The following RGL1 variants were observed in gnomAD, a reference collection of about 807,000 sequenced individuals.
RGL1 encodes ral guanine nucleotide dissociation stimulator like 1.
RGL1 carries 24 observed loss-of-function variants against 95.2 expected under a neutral mutation model. The observed-to-expected ratio is 0.25, with a 90% CI of 0.18 to 0.35. The LOEUF (loss-of-function observed/expected upper bound fraction) is 0.35. Ranked by LOEUF, RGL1 falls within the 10% of genes least tolerant of loss-of-function variation. The pLI, the probability that RGL1 is intolerant of heterozygous loss-of-function variation, is 1.00. For synonymous variants in RGL1, 329 were observed against 344.9 expected, an observed-to-expected ratio of 0.95 and a Z score of 0.51; for missense variants, 715 against 936.3, an observed-to-expected ratio of 0.76 and a Z score of 3.08.
intron 3 of RGL1, among the ~76,000 whole-genome samples, chr1:183,863,194 G>T (rs551252695): frequency 6.6e-6 from 1 of 152,194 alleles, no homozygotes; most frequent in Non-Finnish European, 1.5e-5. Flanking sequence ...TGTAGGAGGC[G>T]TGGGAGGAGG....
chr1:183,847,992 G>GAGTTGAGAGTGGATACCTTAA (rs1664559377), intron 3 of RGL1, among the ~76,000 whole-genome samples: 1 of 152,168 alleles, frequency 6.6e-6, no homozygotes, highest in Non-Finnish European at 1.5e-5. Flanking sequence ...ATTTATAAAA[G>GAGTTGAGAGTGGATACCTTAA]AGTTGAGAGT....
chr1:183,699,736 A>T (rs546387282), intron 1 of RGL1, among the ~76,000 whole-genome samples: 1 of 152,158 alleles, frequency 6.6e-6, no homozygotes, highest in Admixed American at 6.5e-5. Context: ...CTTTGTTCTA[A>T]TACTCTGTCC....
chr1:183,759,958 T>G (rs1438883094), intron 2 of RGL1, among the ~76,000 whole-genome samples: 1 of 152,204 alleles, frequency 6.6e-6, no homozygotes, highest in East Asian at 1.9e-4. Flanking sequence ...TCTCTGCATA[T>G]CTATCTTATA....
chr1:183,923,834 A>G (rs1669456074), intron 17 of RGL1, among the ~76,000 whole-genome samples: 1 of 152,220 alleles, frequency 6.6e-6, no homozygotes, highest in Non-Finnish European at 1.5e-5. Context: ...CAGAATGTAC[A>G]GGAGTCACTT....
At chr1:183,703,373 A>C (rs1654717546) in intron 1 of RGL1, among the ~76,000 whole-genome samples, 1 of 152,160 alleles carries the variant, frequency 6.6e-6, no homozygotes, top group Non-Finnish European at 1.5e-5. Flanking sequence ...CTATGGTTTC[A>C]ACAAGACTTT....
intron 2 of RGL1, among the ~76,000 whole-genome samples, chr1:183,839,226 A>G (rs1426103873): frequency 6.6e-6 from 1 of 152,096 alleles, no homozygotes; most frequent in Non-Finnish European, 1.5e-5. Flanking sequence ...ACATATTTCC[A>G]TCTTAGACCC....
chr1:183,671,302 G>A (rs943108892), intron 1 of RGL1, among the ~76,000 whole-genome samples: 3 of 152,236 alleles, frequency 2.0e-5, no homozygotes, highest in Non-Finnish European at 4.4e-5. Context: ...GAACATTCAT[G>A]TTTAAGTCTT....
chr1:183,880,366 A>AAAAC (rs113953745), intron 4 of RGL1, among the ~76,000 whole-genome samples: 15,410 of 126,960 alleles, frequency 0.12, 811 homozygotes, highest in Middle Eastern at 0.22. Flanking sequence ...TAGCCTCCTT[A>AAAAC]AAACAAACAA....
chr1:183,839,910 G>A lies in RGL1; in HGVS notation c.139-7656G>A, dbSNP rs570526324. The stretch of plus-strand genomic sequence containing the variant: ...AGGTTAACAAGAGAAAAGCATAACA[G>A]ATTTCTTTAATCAAAGTTTTATGTG... On this transcript the variant is annotated intron_variant, in intron 2 of 17. Coordinates refer to ENST00000360851, the MANE Select transcript of RGL1 (RefSeq NM_001297671.3). Among the ~76,000 whole-genome samples, 32 of 152,310 alleles carry A rather than the reference G, an allele frequency of 2.1e-4. No individual in the cohort carries two copies. The South Asian group carries it at 3.1e-3, about 15-fold the overall frequency.
At chr1:183,906,626 G>A (rs1401524689) in intron 13 of RGL1, among the ~76,000 whole-genome samples, 1 of 152,180 alleles carries the variant, frequency 6.6e-6, no homozygotes, top group Non-Finnish European at 1.5e-5. Flanking sequence ...ATAGTAGGAA[G>A]GAGGTAATAG....
rs1399564131 is a variant in RGL1, at chr1:183,926,161, T to C, written c.2176T>C (p.Phe726Leu). ...VFYAMNSQVN[F>L]DFILRKKNSM... ...TTATGCCATGAACAGCCAAGTGAAC[T>C]TTGACTTCATTTTGCGCAAAAAGAA... is the stretch of plus-strand genomic sequence containing the variant. Residue 726 changes from phenylalanine (F) to leucine (L), a missense_variant, in exon 18 of 18, where the codon TTT becomes CTT. Around this residue, in one of 3 missense-constraint regions of RGL1, gnomAD observed 330 missense variants for 429.6 expected, o/e 0.77. Coordinates refer to ENST00000360851, the MANE Select transcript of RGL1 (RefSeq NM_001297671.3). 1 of 1,614,174 alleles carries C rather than the reference T, an allele frequency of 6.2e-7. No individual in the cohort carries two copies. The highest frequency in any genetic ancestry group is 1.3e-5 in the African/African-American group (1 of 75,068).
At chr1:183,802,313 G>A (rs1047010939), upstream of RGL1, among the ~76,000 whole-genome samples, 8 of 151,910 alleles carry the variant, frequency 5.3e-5, no homozygotes, top group African/African-American at 9.7e-5. Context: ...TCTTTATGCC[G>A]GTACCATAAA....
chr1:183,782,074 ATCT>A (rs1659930055), intron 2 of RGL1, among the ~76,000 whole-genome samples: 1 of 152,216 alleles, frequency 6.6e-6, no homozygotes, highest in Admixed American at 6.5e-5. Flanking sequence ...AATAGAATAA[ATCT>A]TCTTTCACAC....
intron 2 of RGL1, among the ~76,000 whole-genome samples, chr1:183,820,994 G>A (rs543112465): frequency 0.011 from 1,614 of 152,088 alleles, 15 homozygotes; most frequent in Non-Finnish European, 0.017. Context: ...TTAGCTGGGC[G>A]TGGTGGTGGG....
intron 1 of RGL1, among the ~76,000 whole-genome samples, chr1:183,638,444 G>A (rs1211188647): frequency 6.6e-6 from 1 of 152,088 alleles, no homozygotes; most frequent in Admixed American, 6.5e-5. Context: ...AGTTAATTTT[G>A]GACGAACATT....
At chr1:183,776,906 T>G (rs186610215) in intron 2 of RGL1, among the ~76,000 whole-genome samples, 15 of 152,320 alleles carry the variant, frequency 9.8e-5, no homozygotes, top group Middle Eastern at 3.4e-3. Flanking sequence ...GAAGCAATAA[T>G]TCAGTGCTTG....
upstream of RGL1, among the ~76,000 whole-genome samples, chr1:183,804,208 T>TG (rs34062877): frequency 6.6e-6 from 1 of 151,590 alleles, no homozygotes; most frequent in Non-Finnish European, 1.5e-5. Flanking sequence ...ATTTTTTTTT[T>TG]TATTTGAAGG....
At chr1:183,919,340 GC>G (rs1490467262) in intron 16 of RGL1, among the ~76,000 whole-genome samples, 6 of 152,174 alleles carry the variant, frequency 3.9e-5, no homozygotes, top group Non-Finnish European at 8.8e-5. Flanking sequence ...TACAGTGACA[GC>G]TAGTAGATTT....
At chr1:183,840,927 C>T (rs1664018880) in intron 2 of RGL1, among the ~76,000 whole-genome samples, 1 of 151,988 alleles carries the variant, frequency 6.6e-6, no homozygotes, top group South Asian at 2.1e-4. Flanking sequence ...CCAGTGCAGA[C>T]AGAACCTACT....
Sources: allele counts gnomAD v4.1 joint callset (sites outside exome capture counted in the v4.1 genomes callset), GRCh38; gene constraint gnomAD v4.1.1; regional missense constraint gnomAD v4.1.1; transcripts MANE v1.5; gene names NCBI Gene and HGNC (gene_info 2026-07-23, HGNC 2026-07-21).